CACNA1C: variants seen among roughly 807,000 people sequenced by gnomAD.
CACNA1C encodes the protein calcium voltage-gated channel subunit alpha1 C.
CACNA1C carries 30 observed loss-of-function variants against 229.0 expected under a neutral mutation model. The observed-to-expected ratio is 0.13, with a 90% CI of 0.10 to 0.18. The LOEUF (loss-of-function observed/expected upper bound fraction) is 0.18. CACNA1C is among the 10% of genes least tolerant of loss of function. The pLI is 1.00. For synonymous variants in CACNA1C, 1,114 were observed against 1,132.5 expected (o/e 0.98, Z 0.33); for missense variants, 1,658 against 2,845.0 (o/e 0.58, Z 9.49).
chr12:2,474,249 C>T lies in CACNA1C; in HGVS notation c.758-11855C>T, dbSNP rs995481512. ...AAGCCACCTTTTCCTCCTGTTTGGCCTTATTATCAAGTATGTTGCTCAGCA... is the reference window on the plus strand; with the variant it reads ...AAGCCACCTTTTCCTCCTGTTTGGCTTTATTATCAAGTATGTTGCTCAGCA... On this transcript the variant is annotated intron_variant, in intron 5 of 46. Transcript: ENST00000399655. Among the ~76,000 whole-genome samples the T allele has an allele frequency of 1.3e-5, 2 of 152,102 alleles. 1 individual carries two copies. The highest frequency in any genetic ancestry group is 2.9e-5 in the Non-Finnish European group (2 of 68,026).
At chr12:2,550,796 T>G in intron 10 of CACNA1C, 1 of 663,940 alleles carries the variant, frequency 1.5e-6, no homozygotes, top group Non-Finnish European at 2.2e-6. Context: ...TGGAAGAGTC[T>G]AAACACAGCA....
Position 2,054,794 on chromosome 12 carries a change from C to T in CACNA1C, c.49+1183C>T, listed in dbSNP as rs984740792. ...GTTTGCACTCTTCCTCTTCTCTTCC[C>T]CTGAAAGCCTATCTGTCACTGCTGG... On this transcript the variant is annotated intron_variant, in intron 1 of 46. Transcript: ENST00000399655. The surrounding 1 kb of genome is among the most constrained non-coding windows in gnomAD (Gnocchi z 5.5). Among the ~76,000 whole-genome samples the T allele has an allele frequency of 2.0e-5, 3 of 152,196 alleles. No homozygotes were observed. Among genetic ancestry groups the T allele is most frequent in the African/African-American group, 4.8e-5 (2 of 41,448 alleles).
intron 1 of CACNA1C, among the ~76,000 whole-genome samples, chr12:1,975,984 T>C (rs991183255): frequency 9.9e-5 from 15 of 152,178 alleles, no homozygotes; most frequent in African/African-American, 3.6e-4. Flanking sequence ...AGGAACTATC[T>C]GGTGTCACAA....
intron 1 of CACNA1C, among the ~76,000 whole-genome samples, chr12:2,110,059 A>C (rs1382175869): frequency 6.6e-6 from 1 of 152,208 alleles, no homozygotes; most frequent in African/African-American, 2.4e-5. Context: ...AAAGAAAAAA[A>C]AATTGTTTCA....
At chr12:2,450,365 T>A (rs559179662) in intron 4 of CACNA1C, among the ~76,000 whole-genome samples, 5 of 151,522 alleles carry the variant, frequency 3.3e-5, no homozygotes, top group South Asian at 2.1e-4. Flanking sequence ...CCATCCTGGC[T>A]AACACGGTGA....
chr12:2,635,416 C>T (rs527509006), intron 30 of CACNA1C, among the ~76,000 whole-genome samples: 1 of 152,256 alleles, frequency 6.6e-6, no homozygotes, highest in African/African-American at 2.4e-5. Context: ...AATTAAGAGA[C>T]TTGGTAATGT....
In CACNA1C at chr12:2,053,524, C is replaced by G; in HGVS notation, c.-39C>G. ...GGGGGGTGTTTTCACATTTCTTCCT[C>G]TTCGTGGCTGCTCCTCCTATTAAAA... On this transcript the variant is annotated 5_prime_UTR_variant, in exon 1 of 47. Transcript: ENST00000399655. The surrounding 1 kb of genome is among the most constrained non-coding windows in gnomAD (Gnocchi z 5.8). 1 of 1,565,410 alleles carries G rather than the reference C, an allele frequency of 6.4e-7. No homozygotes were observed. Among genetic ancestry groups the G allele is most frequent in the Non-Finnish European group, 8.7e-7 (1 of 1,154,608 alleles).
intron 13 of CACNA1C, among the ~76,000 whole-genome samples, chr12:2,568,788 G>T (rs2052723438): frequency 6.6e-6 from 1 of 152,058 alleles, no homozygotes; most frequent in Non-Finnish European, 1.5e-5. Context: ...GGGAGTTAGT[G>T]TTTAATGGGT....
In CACNA1C at chr12:2,593,078, C is replaced by G. The variant is rs371643499; in HGVS notation, c.2531-135C>G. The G allele has an allele frequency of 8.7e-5, 82 of 940,472 alleles. No homozygotes were observed. The African/African-American group carries it at 1.1e-3, about 12-fold the overall frequency. The allele number at this position is 940,472 out of a possible 1,614,324, so 58.3% of individuals were successfully genotyped here. On this transcript the variant is annotated intron_variant, in intron 18 of 46. Transcript: ENST00000399655. The stretch of plus-strand genomic sequence containing the variant: ...AGCTGCAGCAGCACCCACAGGGAGA[C>G]AGCAGAATGTCTGTCTTGGTTGGTA...
At position 2,410,392 on chromosome 12, in the gene CACNA1C, G is replaced by C. The variant is rs1186562016; in HGVS notation, c.478-38584G>C. 2.0e-5 allele frequency among the ~76,000 whole-genome samples: 3 copies of C among 152,218 alleles called. No individual in the cohort carries two copies. The highest frequency in any genetic ancestry group is 4.4e-5 in the Non-Finnish European group (3 of 68,042). On this transcript the variant is annotated intron_variant, in intron 3 of 46. Coordinates refer to ENST00000399655, the MANE Select transcript of CACNA1C (RefSeq NM_000719.7). This position sits in a 1 kb window ranked among gnomAD's most constrained non-coding sequence, Gnocchi z 5.3. ...TTCTCTCTGGAATCACTGTGGCTCT[G>C]GTTGTGGAAGTTTGTCATGAGTGGA...
At chr12:2,126,058 A>G (rs1565853066) in intron 3 of CACNA1C, among the ~76,000 whole-genome samples, 2 of 151,962 alleles carry the variant, frequency 1.3e-5, no homozygotes, top group African/African-American at 4.8e-5. Flanking sequence ...CCTTTCTCCC[A>G]CTTATTTTTC....
intron 3 of CACNA1C, among the ~76,000 whole-genome samples, chr12:2,129,476 TCC>T (rs1466751726): frequency 6.6e-6 from 1 of 152,240 alleles, no homozygotes; most frequent in Non-Finnish European, 1.5e-5. Context: ...TCCAGTTTTA[TCC>T]ATCTTTATTC....
intron 3 of CACNA1C, among the ~76,000 whole-genome samples, chr12:2,194,500 C>G (rs1174095837): frequency 6.6e-6 from 1 of 151,726 alleles, no homozygotes; most frequent in Admixed American, 6.6e-5. Flanking sequence ...CCTTTCTGTT[C>G]ATGTACTGTT....
At chr12:2,550,180 C>T in intron 10 of CACNA1C, 147 bp downstream of exon 10, 1 of 686,914 alleles carries the variant, frequency 1.5e-6, no homozygotes, top group Non-Finnish European at 2.5e-6. Context: ...AGGTGGGAAC[C>T]AAGATGGGGA....
Position 2,632,159 on chromosome 12 carries a change from G to T in CACNA1C, c.3829-2138G>T, listed in dbSNP as rs1315230565. On this transcript the variant is annotated intron_variant, in intron 29 of 46. Coordinates refer to ENST00000399655, the MANE Select transcript of CACNA1C (RefSeq NM_000719.7). This position sits in a 1 kb window ranked among gnomAD's most constrained non-coding sequence, Gnocchi z 4.1. Reference sequence around the variant, plus strand: ...TGGTCCCACTGAAAAAATGTGGCCAGCCCTGTCTTGTCCCCTTCGCAGACC... The same window carrying T: ...TGGTCCCACTGAAAAAATGTGGCCATCCCTGTCTTGTCCCCTTCGCAGACC... Among the ~76,000 whole-genome samples, 1 of 152,140 alleles carries T rather than the reference G, an allele frequency of 6.6e-6. No individual in the cohort carries two copies. Among genetic ancestry groups the T allele is most frequent in the Non-Finnish European group, 1.5e-5 (1 of 68,026 alleles).
chr12:2,590,681 A>AC (rs1206624986), intron 18 of CACNA1C, among the ~76,000 whole-genome samples: 8 of 152,186 alleles, frequency 5.3e-5, no homozygotes, highest in Non-Finnish European at 1.2e-4. Flanking sequence ...AGCTTCATAA[A>AC]CGGGGGGGAG....
intron 3 of CACNA1C, among the ~76,000 whole-genome samples, chr12:2,246,491 C>T (rs1188336131): frequency 6.6e-6 from 1 of 152,160 alleles, no homozygotes; most frequent in Non-Finnish European, 1.5e-5. Flanking sequence ...GTAATAGCAG[C>T]TAACACTTAC....
intron 1 of CACNA1C, among the ~76,000 whole-genome samples, chr12:2,019,120 T>A (rs146411044): frequency 6.6e-5 from 10 of 152,022 alleles, no homozygotes; most frequent in African/African-American, 2.4e-4. Flanking sequence ...GTTTGATAGG[T>A]TGGCAGGGCA....
At chr12:2,417,942 C>G (rs1731023599) in intron 3 of CACNA1C, among the ~76,000 whole-genome samples, 1 of 152,112 alleles carries the variant, frequency 6.6e-6, no homozygotes, top group African/African-American at 2.4e-5. Context: ...GCGGGGCCTC[C>G]CAGGTACAGG....
Sources: gnomAD v4.1 joint callset for allele counts (sites outside exome capture counted in the v4.1 genomes callset) on GRCh38, gnomAD v4.1.1 for gene constraint, Gnocchi (gnomAD v3.1) non-coding constraint, MANE v1.5 for transcripts, NCBI Gene and HGNC (gene_info 2026-07-23, HGNC 2026-07-21) for gene names.